Variants in SOX5 observed in about 807,000 individuals in gnomAD.
SOX5 encodes the protein SRY-box transcription factor 5.
SOX5 carries 9 observed loss-of-function variants against 92.0 expected under a neutral mutation model. The ratio of observed to expected loss-of-function variants is 0.10; its 90% CI spans 0.06 to 0.17. The LOEUF is 0.17. SOX5 is among the 10% of genes least tolerant of loss of function. SOX5 has a pLI of 1.00. For missense variants in SOX5, 642 were observed against 944.5 expected, an observed-to-expected ratio of 0.68 and a Z score of 4.20; for synonymous variants, 344 against 336.3, an observed-to-expected ratio of 1.02 and a Z score of -0.25.
At chr12:24,327,679 G>T (rs1950869533) in intron 2 of SOX5, among the ~76,000 whole-genome samples, 1 of 151,894 alleles carries the variant, frequency 6.6e-6, no homozygotes, top group South Asian at 2.1e-4. Flanking sequence ...TGCCTCCTGG[G>T]TTCACGCTAT....
chr12:24,036,265 G>A (rs933364309), intron 4 of SOX5, among the ~76,000 whole-genome samples: 1 of 152,018 alleles, frequency 6.6e-6, no homozygotes, highest in Non-Finnish European at 1.5e-5. Context: ...TGACAACCCA[G>A]TGAGCCATTG....
chr12:23,580,111 A>T (rs1379835579), intron 9 of SOX5, among the ~76,000 whole-genome samples: 1 of 152,100 alleles, frequency 6.6e-6, no homozygotes, highest in Non-Finnish European at 1.5e-5. Context: ...TATAATTTAC[A>T]TTTATAGGGT....
chr12:24,482,063 T>C (rs1946055291), intron 1 of SOX5, among the ~76,000 whole-genome samples: 2 of 152,202 alleles, frequency 1.3e-5, no homozygotes, highest in South Asian at 4.1e-4. Context: ...TTATCTTTAA[T>C]TTCAGCCAGT....
At chr12:23,672,973 TC>T (rs2085037891) in intron 6 of SOX5, among the ~76,000 whole-genome samples, 1 of 152,042 alleles carries the variant, frequency 6.6e-6, no homozygotes, top group African/African-American at 2.4e-5. Flanking sequence ...ATATCAAATT[TC>T]AAAAAATGAT....
chr12:24,084,130 G>T (rs188697095), intron 4 of SOX5, among the ~76,000 whole-genome samples: 60 of 152,150 alleles, frequency 3.9e-4, no homozygotes, highest in Admixed American at 3.5e-3. Context: ...GATCTGAACA[G>T]GTTTACATTA....
chr12:24,558,609 C>T (rs1954041623), intron 1 of SOX5, among the ~76,000 whole-genome samples: 1 of 152,144 alleles, frequency 6.6e-6, no homozygotes, highest in Admixed American at 6.5e-5. Flanking sequence ...ATCTTTGCTT[C>T]ATATTTTTAA....
chr12:24,009,971 A>G (rs541272125), intron 4 of SOX5, among the ~76,000 whole-genome samples: 5 of 152,310 alleles, frequency 3.3e-5, no homozygotes, highest in South Asian at 2.1e-4. Flanking sequence ...TGCAAAGAAG[A>G]TATCTTCCAG....
intron 2 of SOX5, among the ~76,000 whole-genome samples, chr12:23,877,626 A>T (rs1303015104): frequency 6.6e-6 from 1 of 152,176 alleles, no homozygotes; most frequent in Admixed American, 6.5e-5. Context: ...ATGCAAGATT[A>T]AACTGAACTA....
chr12:24,438,017 G>A (rs1334487626), intron 1 of SOX5, among the ~76,000 whole-genome samples: 1 of 152,156 alleles, frequency 6.6e-6, no homozygotes. Context: ...CAATAGCAAA[G>A]ACTTGGAACC....
In SOX5 at chr12:23,949,057, CA is replaced by C. The variant is rs371782401; in HGVS notation, c.38+506del. 4.8e-4 allele frequency among the ~76,000 whole-genome samples: 73 copies of C among 152,136 alleles called. 1 individual carries two copies. Among genetic ancestry groups the C allele is most frequent in the African/African-American group, 1.7e-3 (69 of 41,528 alleles). ...GGGAAAAAACGCTCTCTTATATCAACAAAAGGTCATGTGCTTTACTGAGCAG... is the reference window on the plus strand; with the variant it reads ...GGGAAAAAACGCTCTCTTATATCAACAAAGGTCATGTGCTTTACTGAGCAG... On this transcript the variant is annotated intron_variant, in intron 1 of 14. Coordinates refer to ENST00000451604, the MANE Select transcript of SOX5 (RefSeq NM_006940.6).
intron 4 of SOX5, among the ~76,000 whole-genome samples, chr12:23,974,598 A>G (rs1413075030): frequency 6.6e-6 from 1 of 152,170 alleles, no homozygotes; most frequent in Non-Finnish European, 1.5e-5. Flanking sequence ...TCAAACAGTT[A>G]GGTGCATTCT....
At chr12:23,665,846 CATG>C (rs1258149340) in intron 6 of SOX5, among the ~76,000 whole-genome samples, 1 of 152,112 alleles carries the variant, frequency 6.6e-6, no homozygotes, top group Non-Finnish European at 1.5e-5. Context: ...CACTACTTTG[CATG>C]ATAAGCCTTT....
intron 2 of SOX5, among the ~76,000 whole-genome samples, chr12:24,344,212 G>A (rs571355675): frequency 4.0e-4 from 59 of 148,324 alleles, no homozygotes; most frequent in Non-Finnish European, 7.1e-4. Context: ...GAACCAGGGA[G>A]TCGGAGGTTG....
At chr12:23,549,850 G>C (rs141517599) in intron 11 of SOX5, among the ~76,000 whole-genome samples, 375 of 152,004 alleles carry the variant, frequency 2.5e-3, no homozygotes, top group African/African-American at 8.6e-3. Context: ...AAACAGACTT[G>C]AAAAAATCTT....
intron 1 of SOX5, among the ~76,000 whole-genome samples, chr12:23,914,339 C>T (rs569184103): frequency 6.6e-6 from 1 of 152,162 alleles, no homozygotes; most frequent in African/African-American, 2.4e-5. Flanking sequence ...TTCCATGATG[C>T]TTTCCAGTTA....
chr12:24,375,563 C>T (rs1224868439), intron 1 of SOX5, among the ~76,000 whole-genome samples: 2 of 151,416 alleles, frequency 1.3e-5, no homozygotes, highest in African/African-American at 4.9e-5. Flanking sequence ...GGTAAAACCC[C>T]ATCTCTACTA....
In SOX5 at chr12:23,964,104, A is replaced by T. The variant is rs1947278525; in HGVS notation, c.-1-68080T>A. ...TGTTCCACCAAACCTCTCTCTCTTC[A>T]TAGTATAGTTTGATAGCGTCACACC... On this transcript the variant is annotated intron_variant, in intron 4 of 4. Transcript: ENST00000446891. Among the ~76,000 whole-genome samples, 5 of 152,254 alleles carry T rather than the reference A, an allele frequency of 3.3e-5. No homozygotes were observed. The South Asian group carries it at 1.0e-3, about 32-fold the overall frequency.
chr12:24,493,863 C>CA (rs201633038), intron 1 of SOX5, among the ~76,000 whole-genome samples: 4,364 of 86,564 alleles, frequency 0.05, 75 homozygotes, highest in African/African-American at 0.098. Context: ...GACTCCATCT[C>CA]AAAAAAAAAA....
chr12:24,010,562 A>T, intron 4 of SOX5, among the ~76,000 whole-genome samples: 1 of 152,212 alleles, frequency 6.6e-6, no homozygotes, highest in Non-Finnish European at 1.5e-5. Flanking sequence ...AGGAAGAAAG[A>T]TAATTTACAC....
Sources: gnomAD v4.1 joint callset for allele counts (sites outside exome capture counted in the v4.1 genomes callset) on GRCh38, gnomAD v4.1.1 for gene constraint, MANE v1.5 for transcripts, NCBI Gene and HGNC (gene_info 2026-07-23, HGNC 2026-07-21) for gene names.